ZNF41: variants seen among roughly 807,000 people sequenced by gnomAD.
ZNF41 encodes zinc finger protein 41.
Under a neutral mutation model 9.3 loss-of-function variants are expected in ZNF41, and 6 were observed. That is an observed-to-expected ratio of 0.65 (90% confidence interval 0.35 to 1.28). ZNF41 has a LOEUF of 1.28. ZNF41 is among the 50% of genes most tolerant of loss of function. The pLI, the probability that ZNF41 is intolerant of heterozygous loss-of-function variation, is 0.03. For synonymous variants in ZNF41, 192 were observed against 207.1 expected, an observed-to-expected ratio of 0.93 and a Z score of 0.63; for missense variants, 523 against 585.8, an observed-to-expected ratio of 0.89 and a Z score of 1.11.
At chrX:47,456,855 G>A (rs1197733210) in intron 2 of ZNF41, among the ~76,000 whole-genome samples, 3 of 111,544 alleles carry the variant, frequency 2.7e-5, no homozygotes, top group Non-Finnish European at 5.6e-5. Context: ...TGGGGCGAGA[G>A]TTATCTAGAA....
At chrX:47,461,936 G>A (rs1201827156) in intron 2 of ZNF41, among the ~76,000 whole-genome samples, 2 of 106,187 alleles carry the variant, frequency 1.9e-5, no homozygotes, top group Non-Finnish European at 3.9e-5. Flanking sequence ...GTCTCACAGT[G>A]TTGCTCAGGC....
intron 1 of ZNF41, among the ~76,000 whole-genome samples, chrX:47,478,269 G>A (rs1336782099): frequency 8.9e-6 from 1 of 112,249 alleles, no homozygotes; most frequent in Non-Finnish European, 1.9e-5. Flanking sequence ...ACTTTGGGAG[G>A]CCGAGGCAGG....
At chrX:47,482,180 C>T (rs962018428) in intron 1 of ZNF41, among the ~76,000 whole-genome samples, 24 of 109,340 alleles carry the variant, frequency 2.2e-4, no homozygotes, top group African/African-American at 7.7e-4. Context: ...CCCCACAGAC[C>T]CCCTTATTAT....
Position 47,447,065 on chromosome X carries a change from T to G in ZNF41, c.*365A>C. Reference sequence around the variant, plus strand: ...ATGCTGAACCAATCAGTACTGAATTTAAAAAGTTCTTTATCCAAAAAGTGA... The same window carrying G: ...ATGCTGAACCAATCAGTACTGAATTGAAAAAGTTCTTTATCCAAAAAGTGA... On this transcript the variant is annotated 3_prime_UTR_variant, in exon 5 of 5. Transcript: ENST00000684689. The G allele has an allele frequency of 9.0e-6, 2 of 223,025 alleles. No individual in the cohort carries two copies. The highest frequency in any genetic ancestry group is 2.2e-4 in the East Asian group (2 of 9,009). 18.4% of individuals were successfully genotyped at this position (223,025 alleles called of 1,213,427 possible). A position where few individuals can be genotyped will look rare whatever the true frequency, so the allele number is the denominator to read the frequency against.
At chrX:47,459,914 G>A (rs750401896) in intron 2 of ZNF41, among the ~76,000 whole-genome samples, 1 of 105,794 alleles carries the variant, frequency 9.5e-6, no homozygotes, top group South Asian at 4.5e-4. Flanking sequence ...TTGCACTCCA[G>A]CCTGGGTGAC....
chrX:47,457,382 C>G (rs1197926291), intron 2 of ZNF41, among the ~76,000 whole-genome samples: 1 of 109,666 alleles, frequency 9.1e-6, no homozygotes, highest in Non-Finnish European at 1.9e-5. Context: ...TGCACTTCAG[C>G]CTGGGTGATA....
Position 47,448,929 on chromosome X carries a change from T to C in ZNF41, c.841A>G (p.Thr281Ala). The change falls in exon 5 of 5, where the codon ACT (threonine) becomes GCT (alanine). Residue 281 changes from threonine to alanine, a missense_variant. Physicochemically the swap from Thr to Ala is moderately conservative, Grantham distance 58. Transcript: ENST00000684689. ...YVCTECVMGFTQKSHLFEHQR... is the reference protein window; with the variant it reads ...YVCTECVMGFAQKSHLFEHQR... ...TGCTCAAACAGATGTGACTTCTGAG[T>C]GAAGCCCATTACACATTCAGTACAC... is the stretch of plus-strand genomic sequence containing the variant. 1 of 1,211,445 alleles carries C rather than the reference T, an allele frequency of 8.3e-7. No individual in the cohort carries two copies.
At chrX:47,470,067 C>CA (rs1467473412) in intron 1 of ZNF41, among the ~76,000 whole-genome samples, 2 of 110,625 alleles carry the variant, frequency 1.8e-5, no homozygotes, top group Non-Finnish European at 3.8e-5. Flanking sequence ...AAAAAATAAT[C>CA]AAAATTCCAA....
chrX:47,481,269 C>T (rs1401837603), intron 1 of ZNF41, among the ~76,000 whole-genome samples: 1 of 110,585 alleles, frequency 9.0e-6, no homozygotes, highest in Admixed American at 9.7e-5. Context: ...TAGCAAGACC[C>T]CAATCTCTAC....
chrX:47,451,247 A>C (rs1225274617), intron 4 of ZNF41, among the ~76,000 whole-genome samples: 1 of 112,238 alleles, frequency 8.9e-6, no homozygotes, highest in African/African-American at 3.2e-5. Flanking sequence ...GAAAGAGGAA[A>C]AATCTCCTCC....
chrX:47,472,732 G>GT (rs1234682796), intron 1 of ZNF41, among the ~76,000 whole-genome samples: 3 of 107,725 alleles, frequency 2.8e-5, no homozygotes, highest in Admixed American at 1.0e-4. Context: ...AACTTTTTTT[G>GT]TTTTTTTTGA....
chrX:47,450,677 C>T lies in ZNF41; in HGVS notation c.296-1203G>A, dbSNP rs370190541. On this transcript the variant is annotated intron_variant, in intron 4 of 4. Transcript: ENST00000684689. ...CTGGGCCTTACATCCACTGGCCTCG[C>T]TATGTTCTCAGCAGTGGAATATGAG... is the stretch of plus-strand genomic sequence containing the variant. 1.2e-4 allele frequency among the ~76,000 whole-genome samples: 13 copies of T among 112,106 alleles called. No homozygotes were observed. In the East Asian group the frequency reaches 3.7e-3, roughly 31 times the overall value.
intron 1 of ZNF41, among the ~76,000 whole-genome samples, chrX:47,479,752 A>G (rs1657959520): frequency 9.0e-6 from 1 of 111,070 alleles, no homozygotes; most frequent in African/African-American, 3.3e-5. Flanking sequence ...TATAAAAATT[A>G]TAGTTTTAGT....
intron 1 of ZNF41, among the ~76,000 whole-genome samples, chrX:47,478,862 A>T (rs2057404650): frequency 9.0e-6 from 1 of 110,582 alleles, no homozygotes; most frequent in Admixed American, 9.7e-5. Context: ...TGAACCCAGG[A>T]GGCGGCAGCT....
At chrX:47,458,787 T>TTTTG (rs2056668366) in intron 2 of ZNF41, among the ~76,000 whole-genome samples, 1 of 105,188 alleles carries the variant, frequency 9.5e-6, no homozygotes, top group Non-Finnish European at 1.9e-5. Context: ...GTTTTGTTTT[T>TTTTG]TTTTTTTGTA....
intron 4 of ZNF41, among the ~76,000 whole-genome samples, chrX:47,451,672 T>TA (rs1407721346): frequency 1.8e-5 from 2 of 112,618 alleles, no homozygotes; most frequent in African/African-American, 6.5e-5. Context: ...GGTCAGGAGT[T>TA]AGAGACCAGC....
chrX:47,478,578 A>C (rs1414480417), intron 1 of ZNF41, among the ~76,000 whole-genome samples: 1 of 111,453 alleles, frequency 9.0e-6, no homozygotes, highest in Non-Finnish European at 1.9e-5. Context: ...ACAACAAACA[A>C]AATAATAAAA....
chrX:47,452,053 G>A (rs951873306), intron 4 of ZNF41, among the ~76,000 whole-genome samples: 26 of 111,827 alleles, frequency 2.3e-4, no homozygotes, highest in African/African-American at 7.8e-4. Context: ...AGACACTGCA[G>A]GATGAGGAGG....
chrX:47,458,000 G>C (rs1021851032), intron 2 of ZNF41, among the ~76,000 whole-genome samples: 1 of 112,065 alleles, frequency 8.9e-6, no homozygotes, highest in Non-Finnish European at 1.9e-5. Context: ...AGTAGATTAG[G>C]AAGGGAGTGG....
Sources: gnomAD v4.1 joint callset for allele counts (sites outside exome capture counted in the v4.1 genomes callset) on GRCh38, gnomAD v4.1.1 for gene constraint, MANE v1.5 for transcripts, NCBI Gene and HGNC (gene_info 2026-07-23, HGNC 2026-07-21) for gene names.